Variants in IPO9 observed in about 807,000 individuals in gnomAD.
The protein encoded by IPO9 is importin 9.
In IPO9, 28 loss-of-function variants were observed where a neutral mutation model predicts 128.6. That is an observed-to-expected ratio of 0.22 (90% confidence interval 0.16 to 0.30). The LOEUF (loss-of-function observed/expected upper bound fraction) is 0.30, where lower values mean the gene tolerates loss of function less well. Among genes scored for constraint, IPO9 ranks in the 10% least tolerant of loss-of-function variants. The pLI is 1.00. For missense variants in IPO9, 935 were observed against 1,293.9 expected (o/e 0.72, Z 4.26); for synonymous variants, 455 against 475.8 (o/e 0.96, Z 0.57).
intron 13 of IPO9, among the ~76,000 whole-genome samples, chr1:201,862,316 G>T (rs575560965): frequency 6.6e-6 from 1 of 152,108 alleles, no homozygotes; most frequent in East Asian, 1.9e-4. Flanking sequence ...AAATTAGCCA[G>T]GCGTGGTGGT....
intron 10 of IPO9, 51 bp downstream of exon 10, chr1:201,855,985 TTGAAGAA>T (rs780480972): frequency 7.2e-7 from 1 of 1,394,904 alleles, no homozygotes; most frequent in Non-Finnish European, 9.8e-7. Context: ...AAAGTGCAAC[TTGAAGAA>T]TATGAGGTCT....
chr1:201,851,048 C>G (rs1455046120), intron 4 of IPO9, among the ~76,000 whole-genome samples: 2 of 152,120 alleles, frequency 1.3e-5, no homozygotes, highest in Non-Finnish European at 2.9e-5. Flanking sequence ...CATGGTCTCA[C>G]TCTGTCACCC....
chr1:201,862,402 G>A (rs908151633), intron 13 of IPO9, among the ~76,000 whole-genome samples: 1 of 152,030 alleles, frequency 6.6e-6, no homozygotes, highest in Non-Finnish European at 1.5e-5. Context: ...CGGTTACAGT[G>A]AGCTGAGATT....
chr1:201,833,172 T>C (rs1307749336), intron 1 of IPO9, among the ~76,000 whole-genome samples: 1 of 152,032 alleles, frequency 6.6e-6, no homozygotes, highest in East Asian at 1.9e-4. Context: ...TCATGTAGCG[T>C]GTCAATCTGA....
At position 201,870,713 on chromosome 1, in the gene IPO9, C is replaced by T. The variant is rs954588982; in HGVS notation, c.2264C>T (p.Thr755Ile). The T allele has an allele frequency of 3.7e-6, 6 of 1,614,230 alleles. No homozygotes were observed. In the African/African-American group the frequency reaches 6.7e-5, roughly 18 times the overall value. ...QVVSQLLDPR[T>I]SEFTAAFVGR... ...GTGAGCCAGCTCCTGGACCCCCGCA[C>T]CTCAGAGTTCACTGCGGCCTTTGTG... Residue 755 changes from threonine (T) to isoleucine (I), a missense_variant, in exon 18 of 24, where the codon ACC becomes ATC. By Grantham distance (89) the Thr-to-Ile change is moderately conservative (BLOSUM62 -1). Transcript: ENST00000361565. The surrounding 1 kb of genome is among the most constrained non-coding windows in gnomAD (Gnocchi z 4.9).
intron 1 of IPO9, chr1:201,829,644 G>C (rs1019956216): frequency 5.8e-6 from 2 of 346,294 alleles, no homozygotes; most frequent in Non-Finnish European, 5.2e-6. Context: ...GAATCTGCAG[G>C]GGACGGAGAT....
At chr1:201,868,368 A>C (rs1032610152) in intron 15 of IPO9, among the ~76,000 whole-genome samples, 1 of 151,262 alleles carries the variant, frequency 6.6e-6, no homozygotes, top group East Asian at 1.9e-4. Flanking sequence ...TAAAGACTTT[A>C]AAGATTTTTC....
intron 1 of IPO9, among the ~76,000 whole-genome samples, chr1:201,839,081 G>A (rs185640721): frequency 0.013 from 1,878 of 148,248 alleles, 13 homozygotes; most frequent in Non-Finnish European, 0.022. Flanking sequence ...CACCACGCCC[G>A]GCTAATTTTT....
intron 1 of IPO9, among the ~76,000 whole-genome samples, chr1:201,836,521 G>T (rs1255322066): frequency 1.3e-5 from 2 of 152,158 alleles, no homozygotes; most frequent in Non-Finnish European, 2.9e-5. Context: ...TAGTAGCTGG[G>T]ACTACAGGTG....
chr1:201,849,647 A>G (rs1238466846), intron 4 of IPO9, among the ~76,000 whole-genome samples: 1 of 152,200 alleles, frequency 6.6e-6, no homozygotes, highest in Non-Finnish European at 1.5e-5. Context: ...TGTTAATGGT[A>G]GATAATATCA....
At chr1:201,868,945 T>C (rs1291774548) in intron 16 of IPO9, 149 bp downstream of exon 16, 4 of 1,256,988 alleles carry the variant, frequency 3.2e-6, no homozygotes, top group Non-Finnish European at 4.2e-6. Context: ...AGTGGGTGAT[T>C]CTCTGAAGCT....
intron 3 of IPO9, 77 bp from the exon 4 acceptor site, chr1:201,848,316 A>T: frequency 8.0e-7 from 1 of 1,254,180 alleles, no homozygotes; most frequent in Non-Finnish European, 1.2e-6. Context: ...TTTTTCCAAC[A>T]CAGTTCCCAA....
intron 14 of IPO9, among the ~76,000 whole-genome samples, chr1:201,866,383 A>G (rs1680554316): frequency 6.6e-6 from 1 of 152,162 alleles, no homozygotes; most frequent in Non-Finnish European, 1.5e-5. Flanking sequence ...TAATACAGTA[A>G]AACTATAGAG....
intron 14 of IPO9, among the ~76,000 whole-genome samples, 172 bp from the exon 15 acceptor site, chr1:201,866,561 A>G (rs1441818663): frequency 6.6e-6 from 1 of 152,196 alleles, no homozygotes; most frequent in Admixed American, 6.5e-5. Flanking sequence ...GAACATAGAA[A>G]TGGTGGTGTT....
intron 13 of IPO9, among the ~76,000 whole-genome samples, chr1:201,862,117 A>G (rs1167297660): frequency 1.3e-5 from 2 of 152,202 alleles, no homozygotes; most frequent in Non-Finnish European, 2.9e-5. Context: ...TAATTGACAG[A>G]TTTTAAATAG....
chr1:201,841,005 T>C (rs1325619795), intron 1 of IPO9, among the ~76,000 whole-genome samples: 1 of 152,188 alleles, frequency 6.6e-6, no homozygotes, highest in African/African-American at 2.4e-5. Flanking sequence ...CCTTTTTGTA[T>C]AGCTTTGACT....
chr1:201,850,198 T>C (rs1204526298), intron 4 of IPO9, among the ~76,000 whole-genome samples: 1 of 152,242 alleles, frequency 6.6e-6, no homozygotes, highest in Non-Finnish European at 1.5e-5. Context: ...TGTCTCCTTT[T>C]GTAATGGAGT....
rs1382778069 is a variant in IPO9, at chr1:201,861,864, G to A, written c.1469-1584G>A. 3.9e-5 allele frequency among the ~76,000 whole-genome samples: 6 copies of A among 152,352 alleles called. No individual in the cohort carries two copies. In the East Asian group the frequency reaches 1.2e-3, roughly 29 times the overall value. On this transcript the variant is annotated intron_variant, in intron 13 of 23. Transcript: ENST00000361565. ...CTAAAGACAGAATTACTGTGGCATA[G>A]AGATAGTTAGAATTGCTTCAGCCTA... is the stretch of plus-strand genomic sequence containing the variant.
Position 201,877,167 on chromosome 1 carries a change from T to C in IPO9, c.*1113T>C, listed in dbSNP as rs1303742168. The C allele has an allele frequency of 6.6e-6, 1 of 152,200 alleles. No individual in the cohort carries two copies. Among genetic ancestry groups the C allele is most frequent in the Admixed American group, 6.5e-5 (1 of 15,284 alleles). The allele number at this position is 152,200 out of a possible 1,614,324, so 9.4% of individuals were successfully genotyped here. A position where few individuals can be genotyped will look rare whatever the true frequency, so the allele number is the denominator to read the frequency against. Reference sequence around the variant, plus strand: ...AGGGAGATTCCTTAATTGGGAAGTTTAGTCTGTTTGGGGTTCAAAGAGTAA... The same window carrying C: ...AGGGAGATTCCTTAATTGGGAAGTTCAGTCTGTTTGGGGTTCAAAGAGTAA... On this transcript the variant is annotated 3_prime_UTR_variant, in exon 24 of 24. Transcript: ENST00000361565.
Sources: allele counts gnomAD v4.1 joint callset (sites outside exome capture counted in the v4.1 genomes callset), GRCh38; gene constraint gnomAD v4.1.1; non-coding constraint Gnocchi (gnomAD v3.1); transcripts MANE v1.5; gene names NCBI Gene and HGNC (gene_info 2026-07-23, HGNC 2026-07-21).